NUP133: variants seen among roughly 807,000 people sequenced by gnomAD.
NUP133 encodes the protein nuclear pore complex protein Nup133.
NUP133 carries 66 observed loss-of-function variants against 146.2 expected under a neutral mutation model. That is an observed-to-expected ratio of 0.45 (90% confidence interval 0.37 to 0.55). The LOEUF (loss-of-function observed/expected upper bound fraction) is 0.55, where lower values mean the gene tolerates loss of function less well. NUP133 is among the 20% of genes least tolerant of loss of function. NUP133 has a pLI of 0.00. For missense variants in NUP133, 1,277 were observed against 1,374.8 expected, an observed-to-expected ratio of 0.93 and a Z score of 1.12; for synonymous variants, 521 against 498.8, an observed-to-expected ratio of 1.04 and a Z score of -0.59.
intron 21 of NUP133, among the ~76,000 whole-genome samples, chr1:229,455,029 G>A (rs976013189): frequency 5.2e-4 from 79 of 152,138 alleles, no homozygotes; most frequent in African/African-American, 1.7e-3. Context: ...AAACTGAGGC[G>A]AAGGAGCATA....
chr1:229,498,292 A>C lies in NUP133; in HGVS notation c.663T>G (p.Ile221Met), dbSNP rs146064281. 1.3e-6 allele frequency: 2 copies of C among 1,582,216 alleles called. No homozygotes were observed. The highest frequency in any genetic ancestry group is 2.7e-5 in the African/African-American group (2 of 73,014). ...TTAGTTGGCTTCCTGATGAAGACAA[A>C]ATAAAACTTCCTCCCTGTGAAAAAA... ...FLTAVQGGSF[I>M]LSSSGSQLIR... The change falls in exon 6 of 26, where the codon ATT becomes ATG. Residue 221 changes from isoleucine (I) to methionine (M), a missense_variant. Coordinates refer to ENST00000261396, the MANE Select transcript of NUP133 (RefSeq NM_018230.3).
chr1:229,496,592 G>A (rs1290199809), intron 6 of NUP133, among the ~76,000 whole-genome samples: 1 of 152,216 alleles, frequency 6.6e-6, no homozygotes, highest in Non-Finnish European at 1.5e-5. Flanking sequence ...GAGCTGAAAG[G>A]TGGGAAAGTT....
chr1:229,501,997 A>ACCT lies in NUP133; in HGVS notation c.404_405+1dup. 6.3e-7 allele frequency: 1 copy of ACCT among 1,599,652 alleles called. No homozygotes were observed. Among genetic ancestry groups the ACCT allele is most frequent in the Non-Finnish European group, 8.6e-7 (1 of 1,166,888 alleles). On this transcript the variant is annotated splice_donor_variant, in intron 3 of 25. Coordinates refer to ENST00000261396, the MANE Select transcript of NUP133 (RefSeq NM_018230.3). LOFTEE classifies it high-confidence loss of function. ...TGTTCCAGCTCTCTAAAGAGCCATTACCTTAGTAATAGGTGACAGAGCAAT... is the reference window on the plus strand; with the variant it reads ...TGTTCCAGCTCTCTAAAGAGCCATTACCTCCTTAGTAATAGGTGACAGAGCAAT...
In NUP133 at chr1:229,466,732, C is replaced by T; in HGVS notation, c.2101G>A (p.Glu701Lys). 1 of 1,614,002 alleles carries T rather than the reference C, an allele frequency of 6.2e-7. No individual in the cohort carries two copies. Among genetic ancestry groups the T allele is most frequent in the Non-Finnish European group, 8.5e-7 (1 of 1,179,950 alleles). ...REVSQVDTIC[E>K]CLLEHEEQVL... Reference sequence around the variant, plus strand: ...TGCTCCTCATGCTCCAGTAAGCACTCACAGATGGTATCTACTTGGGATACC... The same window carrying T: ...TGCTCCTCATGCTCCAGTAAGCACTTACAGATGGTATCTACTTGGGATACC... Residue 701 changes from glutamate (E) to lysine (K), a missense_variant, in exon 16 of 26, where the codon GAG becomes AAG. Coordinates refer to ENST00000261396, the MANE Select transcript of NUP133 (RefSeq NM_018230.3).
intron 24 of NUP133, among the ~76,000 whole-genome samples, chr1:229,446,314 T>C (rs1293780976): frequency 2.7e-5 from 4 of 150,740 alleles, no homozygotes; most frequent in Non-Finnish European, 5.9e-5. Context: ...GAGACTGAGG[T>C]AGGAGAATCG....
intron 22 of NUP133, 25 bp downstream of exon 22, chr1:229,452,500 C>T (rs371151940): frequency 2.4e-5 from 37 of 1,558,192 alleles, no homozygotes; most frequent in Admixed American, 6.8e-5. Context: ...TAAGAAATAG[C>T]GTTAAGGATT....
chr1:229,458,329 C>CT, intron 20 of NUP133, 33 bp from the exon 21 acceptor site: 1 of 1,596,938 alleles, frequency 6.3e-7, no homozygotes, highest in South Asian at 1.1e-5. Context: ...TCGTAAGATA[C>CT]TGAGTACCAA....
At chr1:229,502,134 T>A (rs2381108) in intron 2 of NUP133, 32 bp from the exon 3 acceptor site, 5 of 1,495,530 alleles carry the variant, frequency 3.3e-6, no homozygotes, top group South Asian at 1.1e-5. Context: ...GTGATTAATC[T>A]TATAGTATAA....
rs555746108 is a variant in NUP133, at chr1:229,448,048, T to C, written c.3245+1078A>G. On this transcript the variant is annotated intron_variant, in intron 24 of 25. Coordinates refer to ENST00000261396, the MANE Select transcript of NUP133 (RefSeq NM_018230.3). ...TCATTATACACTAATTACAAAGCAT[T>C]AGCATGCTAAAAGACACTCCCACCA... Among the ~76,000 whole-genome samples, 3 of 152,312 alleles carry C rather than the reference T, an allele frequency of 2.0e-5. No individual in the cohort carries two copies. The East Asian group carries it at 5.8e-4, about 29-fold the overall frequency.
Position 229,441,032 on chromosome 1 carries a change from TTGAG to T in NUP133, c.*868_*871del, listed in dbSNP as rs1459277907. The T allele has an allele frequency of 1.2e-5, 2 of 162,040 alleles. No individual in the cohort carries two copies. Among genetic ancestry groups the T allele is most frequent in the Admixed American group, 6.1e-5 (1 of 16,334 alleles). 10.0% of individuals were successfully genotyped at this position (162,040 alleles called of 1,614,324 possible). On this transcript the variant is annotated 3_prime_UTR_variant, in exon 26 of 26. Coordinates refer to ENST00000261396, the MANE Select transcript of NUP133 (RefSeq NM_018230.3). ...CCTTTATTTAAAACCCAGATAAACA[TTGAG>T]TGAGTGATGACACTGGTCAGGACAA...
chr1:229,467,861 G>T (rs901352837), intron 15 of NUP133, among the ~76,000 whole-genome samples: 2 of 151,348 alleles, frequency 1.3e-5, no homozygotes, highest in African/African-American at 4.9e-5. Flanking sequence ...GGAGGCCGAG[G>T]CTGCGGTGAG....
At chr1:229,466,502 C>A in intron 16 of NUP133, 132 bp downstream of exon 16, 1 of 868,318 alleles carries the variant, frequency 1.2e-6, no homozygotes, top group Non-Finnish European at 1.7e-6. Flanking sequence ...ATTTTTCTAA[C>A]TTTTTTGGGA....
chr1:229,486,669 C>T, intron 10 of NUP133, 141 bp from the exon 11 acceptor site: 1 of 706,882 alleles, frequency 1.4e-6, no homozygotes, highest in Non-Finnish European at 2.3e-6. Flanking sequence ...CTACTTCGAA[C>T]TCATCCTTTA....
At chr1:229,483,686 C>T (rs559437347) in intron 12 of NUP133, among the ~76,000 whole-genome samples, 5 of 111,984 alleles carry the variant, frequency 4.5e-5, no homozygotes, top group East Asian at 2.6e-4. Context: ...GCCTGGGCGA[C>T]GGAGTGTCTC....
chr1:229,508,250 G>A lies in NUP133; in HGVS notation c.-1C>T. 1 of 1,512,720 alleles carries A rather than the reference G, an allele frequency of 6.6e-7. No homozygotes were observed. Among genetic ancestry groups the A allele is most frequent in the Non-Finnish European group, 8.8e-7 (1 of 1,131,544 alleles). The allele number at this position is 1,512,720 out of a possible 1,614,324, so 93.7% of individuals were successfully genotyped here. On this transcript the variant is annotated 5_prime_UTR_variant, in exon 1 of 26. Transcript: ENST00000261396. ...GCGGAGAAGGGGCGGCTGGGAACAT[G>A]ACTCCAAGGAGCAGCGACTAGGACA...
intron 12 of NUP133, among the ~76,000 whole-genome samples, chr1:229,479,532 AT>A (rs894970025): frequency 6.6e-6 from 1 of 152,184 alleles, no homozygotes; most frequent in Non-Finnish European, 1.5e-5. Flanking sequence ...CTTAAGACAT[AT>A]CCCCCTGTGG....
In NUP133 at chr1:229,508,162, G is replaced by A. The variant is rs755927084; in HGVS notation, c.88C>T (p.Arg30Trp). 22 of 1,593,848 alleles carry A rather than the reference G, an allele frequency of 1.4e-5. No homozygotes were observed. The highest frequency in any genetic ancestry group is 3.5e-5 in the Admixed American group (2 of 57,558). The change falls in exon 1 of 26, where the codon CGG becomes TGG. Residue 30 changes from arginine (R) to tryptophan (W), a missense_variant. By Grantham distance (101) the Arg-to-Trp change is moderately radical. This residue lies in a region of NUP133 where 319 missense variants were observed against 306.9 expected (regional missense o/e 1.04). Coordinates refer to ENST00000261396, the MANE Select transcript of NUP133 (RefSeq NM_018230.3). ...LAGLGPGSTP[R>W]TASRKGLPLG... ...GGCAGACCCTTCCTGCTAGCCGTCC[G>A]GGGCGTGGAGCCGGGCCCGAGTCCG...
chr1:229,456,135 C>G (rs549754855), intron 21 of NUP133, among the ~76,000 whole-genome samples: 2 of 152,328 alleles, frequency 1.3e-5, no homozygotes, highest in East Asian at 3.9e-4. Flanking sequence ...TTGGCAAGAA[C>G]AGGACACACG....
intron 8 of NUP133, among the ~76,000 whole-genome samples, chr1:229,492,636 A>G (rs1437332973): frequency 1.3e-5 from 2 of 152,026 alleles, no homozygotes; most frequent in Non-Finnish European, 2.9e-5. Flanking sequence ...ATATTGGTCC[A>G]CGTTATTCTA....
Sources: allele counts gnomAD v4.1 joint callset (sites outside exome capture counted in the v4.1 genomes callset), GRCh38; gene constraint gnomAD v4.1.1; regional missense constraint gnomAD v4.1.1; transcripts MANE v1.5; gene names NCBI Gene and HGNC (gene_info 2026-07-23, HGNC 2026-07-21).